Variants in CCR5AS observed in about 807,000 individuals in gnomAD.
CCR5AS encodes CCR5 antisense RNA.
chr3:46,371,659 G>T (rs561352865), intron 2 of CCR5AS, among the ~76,000 whole-genome samples: 1 of 152,290 alleles, frequency 6.6e-6, no homozygotes, highest in South Asian at 2.1e-4. Context: ...AAGACAGCTG[G>T]TTATAAGACT....
chr3:46,381,527 T>A (rs1701816741), intron 2 of CCR5AS, among the ~76,000 whole-genome samples: 1 of 152,230 alleles, frequency 6.6e-6, no homozygotes, highest in Non-Finnish European at 1.5e-5. Context: ...CTTTTTGGTT[T>A]TGAGTCAAGA....
chr3:46,401,985 C>T (rs188874568), intron 1 of CCR5AS, among the ~76,000 whole-genome samples: 4 of 152,096 alleles, frequency 2.6e-5, no homozygotes, highest in African/African-American at 7.2e-5. Flanking sequence ...GATCATAATG[C>T]CTATTAGTAT....
intron 2 of CCR5AS, chr3:46,373,218 G>T: frequency 1.2e-6 from 2 of 1,614,174 alleles, no homozygotes; most frequent in Non-Finnish European, 1.7e-6. Flanking sequence ...ACTCTTGACA[G>T]GGCTCTATTT....
intron 3 of CCR5AS, among the ~76,000 whole-genome samples, chr3:46,367,510 C>CT (rs1367913182): frequency 6.6e-6 from 1 of 152,062 alleles, no homozygotes; most frequent in Non-Finnish European, 1.5e-5. Context: ...TAAGTTTTTC[C>CT]TTTTTTCTGT....
chr3:46,367,392 A>G (rs993846104), intron 3 of CCR5AS, among the ~76,000 whole-genome samples: 5 of 151,710 alleles, frequency 3.3e-5, no homozygotes, highest in Admixed American at 6.6e-5. Flanking sequence ...GAAGCCGCCT[A>G]CAGAATGGTA....
intron 1 of CCR5AS, among the ~76,000 whole-genome samples, chr3:46,401,232 A>G (rs1702003339): frequency 1.3e-5 from 2 of 152,226 alleles, no homozygotes; most frequent in South Asian, 4.1e-4. Context: ...CGCAGGCCAC[A>G]GGAAAATGGG....
intron 2 of CCR5AS, among the ~76,000 whole-genome samples, chr3:46,386,424 T>C (rs1451568056): frequency 2.0e-5 from 3 of 152,104 alleles, no homozygotes; most frequent in African/African-American, 7.2e-5. Context: ...AAGCCTTCTG[T>C]CCATAGACCA....
intron 2 of CCR5AS, among the ~76,000 whole-genome samples, chr3:46,378,588 T>TG (rs1701784536): frequency 1.3e-5 from 2 of 152,232 alleles, no homozygotes; most frequent in African/African-American, 4.8e-5. Context: ...GTGTTCAACT[T>TG]CCAGACTTGG....
intron 2 of CCR5AS, chr3:46,392,818 C>A (rs777716232): frequency 5.0e-6 from 1 of 200,636 alleles, no homozygotes; most frequent in Non-Finnish European, 9.7e-6. Context: ...GTGAGGAGAC[C>A]GCTTACCCGG....
intron 2 of CCR5AS, among the ~76,000 whole-genome samples, chr3:46,382,033 C>T (rs893197770): frequency 3.9e-5 from 6 of 152,312 alleles, no homozygotes; most frequent in Admixed American, 1.3e-4. Context: ...CATTTGTTTG[C>T]TAACAAAGAG....
chr3:46,387,804 G>A (rs1343497517), intron 2 of CCR5AS, among the ~76,000 whole-genome samples: 1 of 152,190 alleles, frequency 6.6e-6, no homozygotes, highest in African/African-American at 2.4e-5. Context: ...GGGAGATAGG[G>A]ATGGGGCGGT....
At chr3:46,368,953 A>G (rs777562433) in intron 3 of CCR5AS, among the ~76,000 whole-genome samples, 37 of 152,266 alleles carry the variant, frequency 2.4e-4, no homozygotes, top group Non-Finnish European at 4.8e-4. Flanking sequence ...GGGGTTCTGC[A>G]CAAGTGGATT....
chr3:46,394,510 A>C (rs1363756089), intron 1 of CCR5AS, among the ~76,000 whole-genome samples: 3 of 152,076 alleles, frequency 2.0e-5, no homozygotes, highest in Non-Finnish European at 4.4e-5. Context: ...CCAAATGCCC[A>C]TCGTGAGTCC....
chr3:46,394,707 G>A (rs1361955967), intron 1 of CCR5AS, among the ~76,000 whole-genome samples: 1 of 152,200 alleles, frequency 6.6e-6, no homozygotes, highest in African/African-American at 2.4e-5. Context: ...AAGGAAAAGT[G>A]TACGTGACAG....
chr3:46,404,297 TTCTCTC>T (rs149336611), intron 1 of CCR5AS, among the ~76,000 whole-genome samples: 917 of 71,102 alleles, frequency 0.013, 15 homozygotes, highest in Non-Finnish European at 0.02. Context: ...CAGCAAGGCT[TTCTCTC>T]TCTCTCTCTC....
chr3:46,395,482 G>A (rs1360964375), intron 1 of CCR5AS, among the ~76,000 whole-genome samples: 4 of 152,172 alleles, frequency 2.6e-5, no homozygotes, highest in Non-Finnish European at 5.9e-5. Flanking sequence ...GGGATTGGCT[G>A]TGGGAGAGAG....
At chr3:46,403,524 G>T (rs903853947) in intron 1 of CCR5AS, among the ~76,000 whole-genome samples, 1 of 152,238 alleles carries the variant, frequency 6.6e-6, no homozygotes, top group African/African-American at 2.4e-5. Flanking sequence ...GTAGAGAGCA[G>T]CCATAACCTC....
intron 2 of CCR5AS, chr3:46,373,385 C>T (rs770539373): frequency 6.2e-7 from 1 of 1,612,530 alleles, no homozygotes; most frequent in Non-Finnish European, 8.5e-7. Flanking sequence ...TTGCGTCTCT[C>T]CCAGGAATCA....
intron 2 of CCR5AS, among the ~76,000 whole-genome samples, chr3:46,381,241 AAT>A (rs1233167505): frequency 1.2e-4 from 19 of 152,118 alleles, no homozygotes. Flanking sequence ...TTCTCAAATA[AAT>A]ATAGATTTTG....
Sources: allele counts gnomAD v4.1 joint callset (sites outside exome capture counted in the v4.1 genomes callset), GRCh38; gene constraint gnomAD v4.1.1; transcripts MANE v1.5; gene names NCBI Gene and HGNC (gene_info 2026-07-23, HGNC 2026-07-21).